Variants in TXNL1 observed in about 807,000 individuals in gnomAD.
TXNL1 encodes thioredoxin like 1.
In TXNL1, 14 loss-of-function variants were observed where a neutral mutation model predicts 35.5. The ratio of observed to expected loss-of-function variants is 0.39; its 90% CI spans 0.26 to 0.62. The LOEUF is 0.62. Among genes scored for constraint, TXNL1 ranks in the 20% least tolerant of loss-of-function variants. The probability of loss-of-function intolerance (pLI) is 0.47; values close to 1 mark genes in which losing one functional copy is unlikely to be tolerated. For missense variants in TXNL1, 263 were observed against 349.7 expected, an observed-to-expected ratio of 0.75 and a Z score of 1.98; for synonymous variants, 110 against 115.5, an observed-to-expected ratio of 0.95 and a Z score of 0.31.
chr18:56,618,107 A>T lies in TXNL1; in HGVS notation c.389T>A (p.Ile130Asn), dbSNP rs778207370. ...PKGYMDLMPF[I>N]NKAGCECLNE... is the part of the protein sequence containing the mutation. ...AAGACATTCACAACCAGCTTTGTTAATAAAAGGCATTAAATCCATCTGAAA... is the reference window on the plus strand; with the variant it reads ...AAGACATTCACAACCAGCTTTGTTATTAAAAGGCATTAAATCCATCTGAAA... The change falls in exon 4 of 8, where the codon ATT (isoleucine) becomes AAT (asparagine). Residue 130 changes from isoleucine to asparagine, a missense_variant. Ile to Asn is a moderately radical substitution (Grantham distance 149). Transcript: ENST00000217515. 1 of 1,613,822 alleles carries T rather than the reference A, an allele frequency of 6.2e-7. No homozygotes were observed. Among genetic ancestry groups the T allele is most frequent in the Non-Finnish European group, 8.5e-7 (1 of 1,179,856 alleles).
intron 7 of TXNL1, among the ~76,000 whole-genome samples, chr18:56,605,464 T>C (rs2023876331): frequency 6.6e-6 from 1 of 152,238 alleles, no homozygotes; most frequent in Non-Finnish European, 1.5e-5. Context: ...ATTTTTATTA[T>C]AGTGATAAAA....
At chr18:56,618,252 CT>C in intron 3 of TXNL1, 126 bp from the exon 4 acceptor site, 1 of 982,966 alleles carries the variant, frequency 1.0e-6, no homozygotes, top group Non-Finnish European at 1.5e-6. Context: ...GTTCATAAAA[CT>C]TTTACAGTAG....
chr18:56,638,447 A>T lies in TXNL1; in HGVS notation c.-7T>A, dbSNP rs1234429190. On this transcript the variant is annotated 5_prime_UTR_variant, in exon 1 of 8. Transcript: ENST00000217515. ...CGGGCTTCACCCCCACCATCCTCACAGAGAGCCCGGCAGGGTGGCCGCGAC... is the reference window on the plus strand; with the variant it reads ...CGGGCTTCACCCCCACCATCCTCACTGAGAGCCCGGCAGGGTGGCCGCGAC... The T allele has an allele frequency of 1.4e-5, 22 of 1,610,668 alleles. No homozygotes were observed. The highest frequency in any genetic ancestry group is 1.9e-5 in the Non-Finnish European group (22 of 1,177,770).
intron 7 of TXNL1, 166 bp downstream of exon 7, chr18:56,610,827 A>G (rs2023977666): frequency 8.6e-6 from 4 of 462,730 alleles, no homozygotes; most frequent in Non-Finnish European, 1.5e-5. Flanking sequence ...ATATCTAAAA[A>G]TATAGTTAGG....
rs572187581 is a variant in TXNL1, at chr18:56,638,538, C to G, written c.-98G>C. 7.7e-7 allele frequency: 1 copy of G among 1,294,488 alleles called. No homozygotes were observed. The allele number at this position is 1,294,488 out of a possible 1,614,324, so 80.2% of individuals were successfully genotyped here. On this transcript the variant is annotated 5_prime_UTR_variant, in exon 1 of 8. Transcript: ENST00000217515. ...AGGAAGGAGAGATGCTCAGGAAGGCCGAGGCCTGGACAGAAGAGGTGGCGA... is the reference window on the plus strand; with the variant it reads ...AGGAAGGAGAGATGCTCAGGAAGGCGGAGGCCTGGACAGAAGAGGTGGCGA...
chr18:56,624,976 T>C (rs1164187957), intron 2 of TXNL1, among the ~76,000 whole-genome samples: 1 of 152,180 alleles, frequency 6.6e-6, no homozygotes, highest in Non-Finnish European at 1.5e-5. Flanking sequence ...TCAAAACACA[T>C]TCTAACAGCT....
chr18:56,616,807 G>A (rs79017459), intron 4 of TXNL1, among the ~76,000 whole-genome samples: 4,558 of 152,256 alleles, frequency 0.03, 234 homozygotes, highest in African/African-American at 0.1. Context: ...TAGCTCTGAA[G>A]TAACCTCCAA....
At chr18:56,605,241 G>A (rs1422710652) in intron 7 of TXNL1, 1 of 152,196 alleles carries the variant, frequency 6.6e-6, no homozygotes, top group Non-Finnish European at 1.5e-5. Flanking sequence ...CAACAATGGC[G>A]AGAACATGGG....
At position 56,614,582 on chromosome 18, in the gene TXNL1, A is replaced by G. The variant is rs370221483; in HGVS notation, c.577T>C (p.Tyr193His). Residue 193 changes from tyrosine to histidine, a missense_variant, in exon 6 of 8, where the codon TAT becomes CAT. By Grantham distance (83) the Tyr-to-His change is moderately conservative. Coordinates refer to ENST00000217515, the MANE Select transcript of TXNL1 (RefSeq NM_004786.3). ...GGTAGGTTGATAAAAATTTTTACAT[A>G]TTTAGGGCCCTGACCTATACAATGG... ...QGPDNGQGPKYVKIFINLPRS... is the reference protein window; with the variant it reads ...QGPDNGQGPKHVKIFINLPRS... 11 of 1,613,072 alleles carry G rather than the reference A, an allele frequency of 6.8e-6. No individual in the cohort carries two copies. The African/African-American group carries it at 1.3e-4, about 20-fold the overall frequency.
At chr18:56,626,511 C>A in intron 1 of TXNL1, 54 bp from the exon 2 acceptor site, 1 of 1,433,830 alleles carries the variant, frequency 7.0e-7, no homozygotes, top group Non-Finnish European at 9.6e-7. Flanking sequence ...AATTCTAAAG[C>A]ACTCGTCAAT....
intron 6 of TXNL1, among the ~76,000 whole-genome samples, chr18:56,612,014 A>AC: frequency 8.1e-6 from 1 of 123,852 alleles, no homozygotes; most frequent in South Asian, 2.5e-4. Context: ...ACGCCCGGCT[A>AC]ATCTTTTTTT....
At chr18:56,623,876 C>T (rs1340112203) in intron 3 of TXNL1, among the ~76,000 whole-genome samples, 1 of 148,696 alleles carries the variant, frequency 6.7e-6, no homozygotes, top group African/African-American at 2.5e-5. Flanking sequence ...AAGTGAGTGA[C>T]AGTAAAAGGA....
At chr18:56,633,219 G>C (rs182047824) in intron 1 of TXNL1, among the ~76,000 whole-genome samples, 1 of 151,998 alleles carries the variant, frequency 6.6e-6, no homozygotes, top group Non-Finnish European at 1.5e-5. Context: ...AGGCCGAGGC[G>C]GACGGATCAC....
intron 1 of TXNL1, among the ~76,000 whole-genome samples, chr18:56,633,214 G>A (rs1036615563): frequency 1.5e-4 from 23 of 152,068 alleles, no homozygotes; most frequent in Non-Finnish European, 2.5e-4. Flanking sequence ...TTGGGAGGCC[G>A]AGGCGGACGG....
chr18:56,612,537 T>C (rs1367196222), intron 6 of TXNL1, among the ~76,000 whole-genome samples: 1 of 152,194 alleles, frequency 6.6e-6, no homozygotes, highest in Non-Finnish European at 1.5e-5. Flanking sequence ...TACTTTAAAA[T>C]ATTGCACCTA....
intron 2 of TXNL1, 96 bp downstream of exon 2, chr18:56,626,265 T>A: frequency 6.6e-7 from 1 of 1,524,394 alleles, no homozygotes; most frequent in Middle Eastern, 1.9e-4. Context: ...AAGGAATAAG[T>A]ACTATGTGCA....
chr18:56,611,057 CTTG>C lies in TXNL1; in HGVS notation c.773_775del (p.Thr258del), dbSNP rs759952464. 2.5e-6 allele frequency: 4 copies of C among 1,607,836 alleles called. No individual in the cohort carries two copies. The highest frequency in any genetic ancestry group is 2.5e-6 in the Non-Finnish European group (3 of 1,177,984). On this transcript the variant is annotated inframe_deletion, in exon 7 of 8. Coordinates refer to ENST00000217515, the MANE Select transcript of TXNL1 (RefSeq NM_004786.3). ...ACCAATAAAAGTAAAATATGAAATT[CTTG>C]TTGTTTCCTCTTCACCTTGATTCGA... is the stretch of plus-strand genomic sequence containing the variant.
At chr18:56,612,159 G>A (rs1250201620) in intron 6 of TXNL1, among the ~76,000 whole-genome samples, 7 of 150,918 alleles carry the variant, frequency 4.6e-5, no homozygotes, top group East Asian at 2.0e-4. Context: ...GAGCCACCGC[G>A]CCCAGCAATT....
intron 7 of TXNL1, among the ~76,000 whole-genome samples, chr18:56,607,342 G>T (rs373851762): frequency 1.3e-5 from 2 of 150,082 alleles, no homozygotes; most frequent in East Asian, 1.9e-4. Flanking sequence ...TTTTTAAATA[G>T]AGATGGAGTC....
Sources: gnomAD v4.1 joint callset for allele counts (sites outside exome capture counted in the v4.1 genomes callset) on GRCh38, gnomAD v4.1.1 for gene constraint, MANE v1.5 for transcripts, NCBI Gene and HGNC (gene_info 2026-07-23, HGNC 2026-07-21) for gene names.